The following ANKRD36 variants were observed in gnomAD, a reference collection of about 807,000 sequenced individuals.
The protein encoded by ANKRD36 is ankyrin repeat domain-containing protein 36A.
Under a neutral mutation model 278.1 loss-of-function variants are expected in ANKRD36, and 179 were observed. The ratio of observed to expected loss-of-function variants is 0.64; its 90% CI spans 0.57 to 0.73. The LOEUF is 0.73. Ranked by LOEUF, ANKRD36 falls within the 30% of genes least tolerant of loss-of-function variation. The probability of loss-of-function intolerance (pLI) is 0.00; values close to 1 mark genes in which losing one functional copy is unlikely to be tolerated. For synonymous variants in ANKRD36, 320 were observed against 641.1 expected (o/e 0.50, Z 7.57); for missense variants, 1,159 against 1,956.7 (o/e 0.59, Z 7.69).
At chr2:97,197,498 A>G (rs1334204817) in intron 42 of ANKRD36, among the ~76,000 whole-genome samples, 2 of 151,926 alleles carry the variant, frequency 1.3e-5, no homozygotes, top group African/African-American at 2.4e-5. Context: ...AGTTATAGAA[A>G]TGAGACAAGC....
intron 6 of ANKRD36, among the ~76,000 whole-genome samples, chr2:97,134,797 G>A (rs1444974099): frequency 2.0e-5 from 3 of 151,972 alleles, no homozygotes; most frequent in African/African-American, 7.2e-5. Flanking sequence ...GTACTCCCTG[G>A]CAACTTGCCA....
intron 64 of ANKRD36, among the ~76,000 whole-genome samples, chr2:97,217,961 A>G (rs1399340433): frequency 6.6e-6 from 1 of 152,006 alleles, no homozygotes; most frequent in Non-Finnish European, 1.5e-5. Context: ...ATACCGGATC[A>G]TCTGATTTCT....
At chr2:97,171,976 T>C (rs1227950848) in intron 22 of ANKRD36, among the ~76,000 whole-genome samples, 53 of 146,930 alleles carry the variant, frequency 3.6e-4, no homozygotes, top group South Asian at 6.5e-4. Flanking sequence ...ATGAGGTACC[T>C]CTGAGTTTCA....
chr2:97,152,038 G>A lies in ANKRD36; in HGVS notation c.1162+99G>A, dbSNP rs971506547. 7.9e-6 allele frequency: 8 copies of A among 1,008,170 alleles called. No homozygotes were observed. The African/African-American group carries it at 1.3e-4, about 16-fold the overall frequency. 62.5% of individuals were successfully genotyped at this position (1,008,170 alleles called of 1,614,324 possible). ...ACAGTCTTACTAGTCTGCAGCACAG[G>A]CTGGAGTGCAGTGGTGCGATCTTGG... On this transcript the variant is annotated intron_variant, in intron 13 of 75. Transcript: ENST00000420699.
chr2:97,129,257 A>C (rs1201914445), intron 6 of ANKRD36, among the ~76,000 whole-genome samples: 3 of 152,160 alleles, frequency 2.0e-5, no homozygotes, highest in East Asian at 3.9e-4. Context: ...TTTTTGGCTG[A>C]ATAAATGTCT....
rs997192935 is a variant in ANKRD36 at position 97,215,861 on chromosome 2, T to C, written c.3673+364T>C. ...TTATAGGCGTCAGATCATATTGTTA[T>C]AAACAGAGGGAAAAGTGATCCTAAT... On this transcript the variant is annotated intron_variant, in intron 62 of 75. Transcript: ENST00000420699. The C allele has an allele frequency of 7.1e-6, 4 of 566,080 alleles. No individual in the cohort carries two copies. In the African/African-American group the frequency reaches 7.6e-5, roughly 11 times the overall value. The allele number at this position is 566,080 out of a possible 1,614,324, so 35.1% of individuals were successfully genotyped here. A position where few individuals can be genotyped will look rare whatever the true frequency, so the allele number is the denominator to read the frequency against.
intron 5 of ANKRD36, 108 bp downstream of exon 5, chr2:97,124,705 T>A: frequency 7.7e-7 from 1 of 1,304,402 alleles, no homozygotes; most frequent in African/African-American, 1.5e-5. Flanking sequence ...GTTCAAGTAG[T>A]TTTCAAGTGA....
chr2:97,127,879 G>C (rs2039035700), intron 6 of ANKRD36, among the ~76,000 whole-genome samples: 1 of 151,590 alleles, frequency 6.6e-6, no homozygotes, highest in African/African-American at 2.4e-5. Context: ...TTTTTTTCCT[G>C]TGAAAACCAT....
rs1319537136 is a variant in ANKRD36, at chr2:97,204,362, T to A, written c.3061+99T>A. 5.5e-5 allele frequency: 74 copies of A among 1,354,172 alleles called. No individual in the cohort carries two copies. In the East Asian group the frequency reaches 1.5e-3, roughly 28 times the overall value. The allele number at this position is 1,354,172 out of a possible 1,614,324, so 83.9% of individuals were successfully genotyped here. A position where few individuals can be genotyped will look rare whatever the true frequency, so the allele number is the denominator to read the frequency against. On this transcript the variant is annotated intron_variant, in intron 50 of 75. Transcript: ENST00000420699. ...CGGGGGGCTCGTTGAAGCTGCACAT[T>A]CTGATTCAGCAGTCCTGAGATTCTT... is the stretch of plus-strand genomic sequence containing the variant.
At chr2:97,194,486 C>T (rs4530406) in intron 38 of ANKRD36, among the ~76,000 whole-genome samples, 123,400 of 151,404 alleles carry the variant, frequency 0.82, 51,751 homozygotes, top group Non-Finnish European at 0.89. Context: ...TTTATTTTAG[C>T]TTTCGACACA....
In ANKRD36 at chr2:97,122,910, T is replaced by A; in HGVS notation, c.510T>A (p.Phe170Leu). The change falls in exon 4 of 76, where the codon TTT becomes TTA. Residue 170 changes from phenylalanine to leucine, a missense_variant. Phe to Leu is a conservative substitution (Grantham distance 22, BLOSUM62 0). Transcript: ENST00000420699. ...AGTGTGAATATCAGCCACTGTTATTTGCTGTGAGTCGAAGAAAAGTGAAAA... is the reference window on the plus strand; with the variant it reads ...AGTGTGAATATCAGCCACTGTTATTAGCTGTGAGTCGAAGAAAAGTGAAAA... ...CSKCEYQPLL[F>L]AVSRRKVKMV... The A allele has an allele frequency of 6.5e-7, 1 of 1,543,696 alleles. No individual in the cohort carries two copies. The highest frequency in any genetic ancestry group is 1.2e-5 in the South Asian group (1 of 83,134).
intron 32 of ANKRD36, 140 bp downstream of exon 32, chr2:97,187,541 T>C: frequency 1.6e-6 from 2 of 1,289,196 alleles, no homozygotes; most frequent in African/African-American, 1.5e-5. Context: ...AGAGTCTTCA[T>C]TTGTAATAAA....
At chr2:97,133,825 A>G (rs1261504625) in intron 6 of ANKRD36, among the ~76,000 whole-genome samples, 3 of 152,124 alleles carry the variant, frequency 2.0e-5, no homozygotes, top group Middle Eastern at 3.4e-3. Context: ...GATTTTTCAT[A>G]TACGCCATCC....
At chr2:97,191,064 T>G in intron 35 of ANKRD36, 45 bp from the exon 36 acceptor site, 1 of 1,594,206 alleles carries the variant, frequency 6.3e-7, no homozygotes, top group South Asian at 1.1e-5. Flanking sequence ...TGAAATATAC[T>G]TCATTGATTT....
At chr2:97,226,154 A>T (rs376359260) in intron 67 of ANKRD36, among the ~76,000 whole-genome samples, 18 of 151,548 alleles carry the variant, frequency 1.2e-4, no homozygotes, top group South Asian at 6.4e-4. Context: ...ATGGGATGGC[A>T]GGGTCAAATG....
chr2:97,221,892 T>C (rs1274036154), intron 66 of ANKRD36, among the ~76,000 whole-genome samples: 1 of 148,562 alleles, frequency 6.7e-6, no homozygotes, highest in Non-Finnish European at 1.5e-5. Context: ...GGTTTTCTTC[T>C]AGGGTTTTTA....
At chr2:97,201,923 C>A (rs1181713222) in intron 46 of ANKRD36, among the ~76,000 whole-genome samples, 1 of 151,864 alleles carries the variant, frequency 6.6e-6, no homozygotes, top group Non-Finnish European at 1.5e-5. Flanking sequence ...TCTCATCACT[C>A]GGCATATCCA....
At chr2:97,263,470 G>T (rs1576717633) in intron 75 of ANKRD36, among the ~76,000 whole-genome samples, 1 of 74,468 alleles carries the variant, frequency 1.3e-5, no homozygotes, top group East Asian at 6.7e-4. Context: ...TACTTGTTAA[G>T]GTCTTTAGCT....
At position 97,199,235 on chromosome 2, in the gene ANKRD36, A is replaced by C. The variant is rs138899953; in HGVS notation, c.2755+577A>C. On this transcript the variant is annotated intron_variant, in intron 44 of 75. Transcript: ENST00000420699. ...GGAATATTTCCATAAGAAATATTTG[A>C]TTTTGGCTACTCCAGGAACTACTGG... 5.0e-3 allele frequency among the ~76,000 whole-genome samples: 752 copies of C among 151,916 alleles called. 6 individuals are homozygous for C. The highest frequency in any genetic ancestry group is 0.037 in the East Asian group (190 of 5,118).
Sources: gnomAD v4.1 joint callset for allele counts (sites outside exome capture counted in the v4.1 genomes callset) on GRCh38, gnomAD v4.1.1 for gene constraint, MANE v1.5 for transcripts, NCBI Gene and HGNC (gene_info 2026-07-23, HGNC 2026-07-21) for gene names.